The following EIF4G3 variants were observed in gnomAD, a reference collection of about 807,000 sequenced individuals.
EIF4G3 encodes eukaryotic translation initiation factor 4 gamma 3, also known as eIF-4-gamma 3.
EIF4G3 carries 34 observed loss-of-function variants against 186.4 expected under a neutral mutation model. That is an observed-to-expected ratio of 0.18 (90% CI 0.14 to 0.24). The LOEUF (loss-of-function observed/expected upper bound fraction) is 0.24. Ranked by LOEUF, EIF4G3 falls within the 10% of genes least tolerant of loss-of-function variation. EIF4G3 has a pLI of 1.00. For missense variants in EIF4G3, 1,536 were observed against 1,948.5 expected (o/e 0.79, Z 3.99); for synonymous variants, 673 against 679.5 (o/e 0.99, Z 0.15).
chr1:21,010,490 T>G (rs1409602075), intron 4 of EIF4G3, among the ~76,000 whole-genome samples: 1 of 151,696 alleles, frequency 6.6e-6, no homozygotes, highest in Non-Finnish European at 1.5e-5. Context: ...GTAACAAAAT[T>G]TACTATCTTA....
rs775026555 is a variant in EIF4G3, at chr1:20,810,763, C to G, written c.4719G>C (p.Ser1573=). Reference sequence around the variant, plus strand: ...TGGCAGGTTGATCAAGTTTTACTATCGATGCTTGTAGTGCATAAAGTGCTT... The same window carrying G: ...TGGCAGGTTGATCAAGTTTTACTATGGATGCTTGTAGTGCATAAAGTGCTT... ...ELQALYALQA[S]IVKLDQPANL... is the part of the protein sequence containing the mutation. Residue 1573 remains serine (S), a synonymous_variant, in exon 36 of 37, where the codon TCG becomes TCC. Transcript: ENST00000602326. The surrounding 1 kb of genome is among the most constrained non-coding windows in gnomAD (Gnocchi z 4.1). The G allele has an allele frequency of 3.1e-6, 5 of 1,613,792 alleles. No homozygotes were observed. Among genetic ancestry groups the G allele is most frequent in the Non-Finnish European group, 4.2e-6 (5 of 1,179,858 alleles).
At chr1:20,839,114 A>G (rs1331521807) in intron 30 of EIF4G3, among the ~76,000 whole-genome samples, 1 of 152,008 alleles carries the variant, frequency 6.6e-6, no homozygotes, top group Non-Finnish European at 1.5e-5. Context: ...GGTAGCTGGG[A>G]TTACAGGTGC....
At chr1:20,897,845 T>C (rs2088843317) in intron 16 of EIF4G3, among the ~76,000 whole-genome samples, 1 of 151,968 alleles carries the variant, frequency 6.6e-6, no homozygotes, top group South Asian at 2.1e-4. Context: ...TCAGGGCCTA[T>C]ACTGTAAAAC....
chr1:20,949,948 T>C, intron 13 of EIF4G3, 55 bp downstream of exon 13: 1 of 1,407,762 alleles, frequency 7.1e-7, no homozygotes, highest in Non-Finnish European at 1.0e-6. Flanking sequence ...GACGGCAATG[T>C]AATTAATAAA....
At chr1:21,146,801 T>C (rs377375617) in intron 2 of EIF4G3, among the ~76,000 whole-genome samples, 25 of 152,034 alleles carry the variant, frequency 1.6e-4, no homozygotes, top group East Asian at 5.8e-4. Context: ...ATGGTGACAA[T>C]AGCAATTCAA....
intron 24 of EIF4G3, among the ~76,000 whole-genome samples, chr1:20,859,881 C>T (rs145380732): frequency 6.1e-4 from 93 of 152,358 alleles, no homozygotes; most frequent in Admixed American, 2.7e-3. Flanking sequence ...GCATGAGCCA[C>T]TGCGTCCGGC....
At chr1:20,830,318 T>C (rs182614939) in intron 30 of EIF4G3, among the ~76,000 whole-genome samples, 1 of 152,338 alleles carries the variant, frequency 6.6e-6, no homozygotes, top group Non-Finnish European at 1.5e-5. Flanking sequence ...AAGCTGCCAC[T>C]TCAAAACAGT....
In EIF4G3 at chr1:21,111,259, C is replaced by A. The variant is rs143569180; in HGVS notation, c.-271-22046G>T. The A allele has an allele frequency of 5.8e-4, 274 of 469,688 alleles. 2 individuals carry two copies. In the East Asian group the frequency reaches 0.017, roughly 30 times the overall value. The allele number at this position is 469,688 out of a possible 1,614,324, so 29.1% of individuals were successfully genotyped here. On this transcript the variant is annotated intron_variant, in intron 2 of 36. Transcript: ENST00000602326. ...ACTAACAAGTGGCACTCTACGAAGG[C>A]ATAGACTTTGAAGCTGGAAAAGACA...
In EIF4G3 at chr1:20,817,680, A is replaced by AG. The variant is rs1411573613; in HGVS notation, c.4369-143dup. On this transcript the variant is annotated intron_variant, in intron 33 of 36. Coordinates refer to ENST00000602326, the MANE Select transcript of EIF4G3 (RefSeq NM_001391906.1). ...TCAGCAGAGGCTATTTTATGTTTGT[A>AG]GTTTTTTTTTTTTTTTTTTTTTTGA... The AG allele has an allele frequency of 3.6e-5, 8 of 220,648 alleles. No individual in the cohort carries two copies. The East Asian group carries it at 8.1e-4, about 22-fold the overall frequency. 13.7% of individuals were successfully genotyped at this position (220,648 alleles called of 1,614,324 possible).
At chr1:21,144,223 AAC>A (rs1030865834) in intron 2 of EIF4G3, among the ~76,000 whole-genome samples, 9 of 152,134 alleles carry the variant, frequency 5.9e-5, no homozygotes, top group African/African-American at 1.9e-4. Context: ...CCATAACAAT[AAC>A]AGTTATCAGT....
chr1:20,893,021 C>G (rs1214378276), intron 18 of EIF4G3: 1 of 317,000 alleles, frequency 3.2e-6, no homozygotes, highest in Non-Finnish European at 5.8e-6. Context: ...AATTCTCTCA[C>G]CTCAGTCTCC....
chr1:20,939,455 A>T, intron 14 of EIF4G3, among the ~76,000 whole-genome samples: 1 of 152,218 alleles, frequency 6.6e-6, no homozygotes, highest in East Asian at 1.9e-4. Context: ...TGGTATGAAC[A>T]TTATTTAAAC....
chr1:21,058,449 T>C (rs1181360528), intron 3 of EIF4G3, among the ~76,000 whole-genome samples: 1 of 152,160 alleles, frequency 6.6e-6, no homozygotes, highest in Non-Finnish European at 1.5e-5. Context: ...TATATTGGTA[T>C]ATTAAAAACA....
At chr1:20,947,597 A>G (rs969929047) in intron 13 of EIF4G3, among the ~76,000 whole-genome samples, 1 of 151,888 alleles carries the variant, frequency 6.6e-6, no homozygotes, top group Non-Finnish European at 1.5e-5. Flanking sequence ...AAAGAAAGAA[A>G]GAGAAAGGGA....
chr1:20,913,689 G>A (rs987253841), intron 14 of EIF4G3, among the ~76,000 whole-genome samples: 2 of 147,284 alleles, frequency 1.4e-5, no homozygotes, highest in African/African-American at 5.0e-5. Context: ...CTGTTTTCTT[G>A]TTATTTGTTA....
Position 20,950,023 on chromosome 1 carries a change from G to T in EIF4G3, c.803C>A (p.Ala268Glu), listed in dbSNP as rs1307578293. ...CAAACCTTGCTTCTGGTCGCTAGCTGCAGTGACAGGGGTGCTGGCAGCAAG... is the reference window on the plus strand; with the variant it reads ...CAAACCTTGCTTCTGGTCGCTAGCTTCAGTGACAGGGGTGCTGGCAGCAAG... Reference protein sequence around the residue: ...AHLAASTPVTAASDQKQEEKP... With the variant: ...AHLAASTPVTEASDQKQEEKP... Residue 268 changes from alanine to glutamate, a missense_variant, in exon 13 of 37, where the codon GCA becomes GAA. Transcript: ENST00000602326. The T allele has an allele frequency of 1.2e-6, 2 of 1,613,516 alleles. No individual in the cohort carries two copies. The highest frequency in any genetic ancestry group is 8.5e-7 in the Non-Finnish European group (1 of 1,179,668).
chr1:21,089,815 G>T lies in EIF4G3; in HGVS notation c.-271-602C>A, dbSNP rs146238571. ...CTGCCAGAAATTTTCTACAGAATTTGAATTCAAAGAAATGACCCATGTAAA... is the reference window on the plus strand; with the variant it reads ...CTGCCAGAAATTTTCTACAGAATTTTAATTCAAAGAAATGACCCATGTAAA... On this transcript the variant is annotated intron_variant, in intron 2 of 36. Coordinates refer to ENST00000602326, the MANE Select transcript of EIF4G3 (RefSeq NM_001391906.1). 5.2e-3 allele frequency among the ~76,000 whole-genome samples: 777 copies of T among 150,742 alleles called. 7 individuals are homozygous for T. The highest frequency in any genetic ancestry group is 0.018 in the African/African-American group (746 of 41,098).
intron 25 of EIF4G3, 52 bp downstream of exon 25, chr1:20,857,351 T>C (rs1234526453): frequency 1.5e-6 from 2 of 1,365,284 alleles, no homozygotes. Flanking sequence ...TGTGTTTTAA[T>C]ATCAAAGGCA....
intron 26 of EIF4G3, among the ~76,000 whole-genome samples, chr1:20,854,066 G>GA: frequency 6.6e-6 from 1 of 151,808 alleles, no homozygotes; most frequent in Middle Eastern, 3.4e-3. Flanking sequence ...AAAATTTAAA[G>GA]AAAAAAAGGT....
Sources: allele counts gnomAD v4.1 joint callset (sites outside exome capture counted in the v4.1 genomes callset), GRCh38; gene constraint gnomAD v4.1.1; non-coding constraint Gnocchi (gnomAD v3.1); transcripts MANE v1.5; gene names NCBI Gene and HGNC (gene_info 2026-07-23, HGNC 2026-07-21).